The following PROSER2 variants were observed in gnomAD, a reference collection of about 807,000 sequenced individuals.
PROSER2 encodes proline and serine rich 2, also known as proline and serine-rich protein 2.
PROSER2 carries 18 observed loss-of-function variants against 14.6 expected under a neutral mutation model. That is an observed-to-expected ratio of 1.23 (90% confidence interval 0.85 to 1.83). The LOEUF (loss-of-function observed/expected upper bound fraction) is 1.83. Ranked by LOEUF, PROSER2 falls within the 40% of genes most tolerant of loss-of-function variation. PROSER2 has a pLI of 0.00. For missense variants in PROSER2, 823 were observed against 629.8 expected, an observed-to-expected ratio of 1.31 and a Z score of -3.28; for synonymous variants, 367 against 286.4, an observed-to-expected ratio of 1.28 and a Z score of -2.84.
intron 1 of PROSER2, among the ~76,000 whole-genome samples, chr10:11,824,430 A>G (rs1382860874): frequency 1.3e-5 from 2 of 152,254 alleles, no homozygotes; most frequent in Non-Finnish European, 2.9e-5. Flanking sequence ...TATTAAAAAT[A>G]CTTTTTACAT....
Position 11,859,071 on chromosome 10 carries a change from A to G in PROSER2, c.138+6856A>G, listed in dbSNP as rs902028710. 3.3e-5 allele frequency among the ~76,000 whole-genome samples: 5 copies of G among 149,850 alleles called. No individual in the cohort carries two copies. In the Admixed American group the frequency reaches 3.4e-4, roughly 10 times the overall value. ...CCTAGCCTGTTCTTTTAACATCTGA[A>G]GATGTGTATCCTTAAAGAACTGCCA... is the stretch of plus-strand genomic sequence containing the variant. On this transcript the variant is annotated intron_variant, in intron 2 of 3. Transcript: ENST00000277570.
rs182302649 is a variant in PROSER2, at chr10:11,837,847, A to G, written c.-81-14150A>G. Reference sequence around the variant, plus strand: ...GCGTTGGGTTAACCGTTCCCTGGTTAGTTTTGAGCTGAACTGTGATGCTAG... The same window carrying G: ...GCGTTGGGTTAACCGTTCCCTGGTTGGTTTTGAGCTGAACTGTGATGCTAG... On this transcript the variant is annotated intron_variant, in intron 1 of 3. Transcript: ENST00000277570. The surrounding 1 kb of genome is among the most constrained non-coding windows in gnomAD (Gnocchi z 4.6). Among the ~76,000 whole-genome samples the G allele has an allele frequency of 6.6e-6, 1 of 152,158 alleles. No individual in the cohort carries two copies. Among genetic ancestry groups the G allele is most frequent in the Admixed American group, 6.5e-5 (1 of 15,282 alleles).
chr10:11,829,826 T>G (rs1833666913), intron 1 of PROSER2, among the ~76,000 whole-genome samples: 1 of 149,578 alleles, frequency 6.7e-6, no homozygotes. Flanking sequence ...TTTTTTTTCT[T>G]TACTTCTGAT....
chr10:11,844,868 C>T (rs1018495467), intron 1 of PROSER2, among the ~76,000 whole-genome samples: 10 of 152,310 alleles, frequency 6.6e-5, no homozygotes, highest in Middle Eastern at 3.4e-3. Context: ...GTGATCCGCC[C>T]GCCTTGGCCT....
rs1833675840 is a variant in PROSER2, at chr10:11,830,460, G to T, written c.-82+6990G>T. ...GGACGCCTAGATTGATTCTGTGACG[G>T]TTACTGTGAACAGCGCCGCGGTAAA... is the stretch of plus-strand genomic sequence containing the variant. On this transcript the variant is annotated intron_variant, in intron 1 of 3. Coordinates refer to ENST00000277570, the MANE Select transcript of PROSER2 (RefSeq NM_153256.4). This position sits in a 1 kb window ranked among gnomAD's most constrained non-coding sequence, Gnocchi z 4.5. 6.6e-6 allele frequency among the ~76,000 whole-genome samples: 1 copy of T among 152,126 alleles called. No individual in the cohort carries two copies. The highest frequency in any genetic ancestry group is 2.4e-5 in the African/African-American group (1 of 41,436).
rs1330425571 is a variant in PROSER2, at chr10:11,865,448, G to A, written c.139-1083G>A. Among the ~76,000 whole-genome samples, 4 of 152,086 alleles carry A rather than the reference G, an allele frequency of 2.6e-5. No homozygotes were observed. Among genetic ancestry groups the A allele is most frequent in the African/African-American group, 9.7e-5 (4 of 41,400 alleles). On this transcript the variant is annotated intron_variant, in intron 2 of 3. Coordinates refer to ENST00000277570, the MANE Select transcript of PROSER2 (RefSeq NM_153256.4). This position sits in a 1 kb window ranked among gnomAD's most constrained non-coding sequence, Gnocchi z 4.2. ...AGTTGCTTTTCTATCCTTTGATTTT[G>A]ATAGCTGTTTCACATTAACAGTTTT...
rs766543890 is a variant in PROSER2 at position 11,869,641 on chromosome 10, G to A, written c.543G>A (p.Pro181=). The change falls in exon 4 of 4, where the codon CCG becomes CCA. Residue 181 remains proline, a synonymous_variant. Transcript: ENST00000277570. This position sits in a 1 kb window ranked among gnomAD's most constrained non-coding sequence, Gnocchi z 4.4. The part of the protein sequence containing the change: ...PRRELRAPSP[P]VEHPRLLRSV... ...GGGAGCTGCGCGCCCCCTCCCCGCC[G>A]GTGGAGCACCCCAGACTCCTGCGCT... 16 of 1,600,852 alleles carry A rather than the reference G, an allele frequency of 1.0e-5. No individual in the cohort carries two copies. In the African/African-American group the frequency reaches 1.5e-4, roughly 15 times the overall value.
At chr10:11,863,321 G>A (rs1412901270) in intron 2 of PROSER2, among the ~76,000 whole-genome samples, 1 of 152,130 alleles carries the variant, frequency 6.6e-6, no homozygotes, top group Non-Finnish European at 1.5e-5. Context: ...TCAGATCACA[G>A]TGTGGAAAGC....
intron 1 of PROSER2, among the ~76,000 whole-genome samples, chr10:11,829,862 T>A (rs1422722882): frequency 1.4e-4 from 18 of 132,448 alleles, no homozygotes; most frequent in South Asian, 7.7e-4. Flanking sequence ...TTTTTTTTTT[T>A]AGACCAAGTC....
At chr10:11,833,509 G>A (rs1000148817) in intron 1 of PROSER2, among the ~76,000 whole-genome samples, 3 of 151,920 alleles carry the variant, frequency 2.0e-5, no homozygotes, top group African/African-American at 7.3e-5. Context: ...TGGCCAACGT[G>A]GTGAAACCCC....
rs1360708489 is a variant in PROSER2, at chr10:11,871,067, T to A, written c.*661T>A. ...TTTGAGAAAGCAAGTCTCATCAGACTCTGAGGTCTGGGACGTGTGCGTGAG... is the reference window on the plus strand; with the variant it reads ...TTTGAGAAAGCAAGTCTCATCAGACACTGAGGTCTGGGACGTGTGCGTGAG... On this transcript the variant is annotated 3_prime_UTR_variant, in exon 4 of 4. Transcript: ENST00000277570. The A allele has an allele frequency of 6.6e-6, 1 of 152,226 alleles. No homozygotes were observed. Among genetic ancestry groups the A allele is most frequent in the East Asian group, 1.9e-4 (1 of 5,200 alleles). 9.4% of individuals were successfully genotyped at this position (152,226 alleles called of 1,614,324 possible).
rs906159102 is a variant in PROSER2, at chr10:11,830,533, G to A, written c.-82+7063G>A. Among the ~76,000 whole-genome samples the A allele has an allele frequency of 6.6e-6, 1 of 152,178 alleles. No homozygotes were observed. The highest frequency in any genetic ancestry group is 1.5e-5 in the Non-Finnish European group (1 of 68,046). On this transcript the variant is annotated intron_variant, in intron 1 of 3. Coordinates refer to ENST00000277570, the MANE Select transcript of PROSER2 (RefSeq NM_153256.4). This position sits in a 1 kb window ranked among gnomAD's most constrained non-coding sequence, Gnocchi z 4.5. ...GATGTAATGATTTCTCTCCCTGTAG[G>A]TAGATAACCAGTAGTGAGATTGCTG...
Position 11,871,789 on chromosome 10 carries a change from C to G in PROSER2, c.*1383C>G, listed in dbSNP as rs942689515. The G allele has an allele frequency of 6.6e-6, 1 of 152,236 alleles. No individual in the cohort carries two copies. Among genetic ancestry groups the G allele is most frequent in the African/African-American group, 2.4e-5 (1 of 41,460 alleles). The allele number at this position is 152,236 out of a possible 1,614,324, so 9.4% of individuals were successfully genotyped here. On this transcript the variant is annotated 3_prime_UTR_variant, in exon 4 of 4. Transcript: ENST00000277570. ...GCCAGCGCCGTAACAGAGCCTGTTT[C>G]TTTCCCGTTGAGTATTACTTAAATT...
At position 11,869,165 on chromosome 10, in the gene PROSER2, TG is replaced by T. The variant is rs1227068272; in HGVS notation, c.392-324del. On this transcript the variant is annotated intron_variant, in intron 3 of 3. Coordinates refer to ENST00000277570, the MANE Select transcript of PROSER2 (RefSeq NM_153256.4). This position sits in a 1 kb window ranked among gnomAD's most constrained non-coding sequence, Gnocchi z 4.4. ...ATTTCCCCTTTGTAAACTCCCCTGATGAGTTGGTCACTACTTGCGTCCTGTC... is the reference window on the plus strand; with the variant it reads ...ATTTCCCCTTTGTAAACTCCCCTGATAGTTGGTCACTACTTGCGTCCTGTC... 6.6e-6 allele frequency among the ~76,000 whole-genome samples: 1 copy of T among 152,202 alleles called. No individual in the cohort carries two copies. The highest frequency in any genetic ancestry group is 1.5e-5 in the Non-Finnish European group (1 of 68,018).
intron 2 of PROSER2, among the ~76,000 whole-genome samples, chr10:11,861,471 C>T (rs578227882): frequency 2.0e-5 from 3 of 152,102 alleles, no homozygotes; most frequent in Non-Finnish European, 2.9e-5. Context: ...TTAGCAGGTG[C>T]GTGTGTGTGG....
At chr10:11,851,134 T>A (rs1232517841) in intron 1 of PROSER2, 1 of 152,314 alleles carries the variant, frequency 6.6e-6, no homozygotes, top group African/African-American at 2.4e-5. Context: ...GAGGACTGCT[T>A]GAGCCCATGA....
chr10:11,826,248 C>G (rs967990277), intron 1 of PROSER2, among the ~76,000 whole-genome samples: 1 of 152,190 alleles, frequency 6.6e-6, no homozygotes, highest in Non-Finnish European at 1.5e-5. Context: ...ATTGTGTGGA[C>G]AGATCGCATT....
chr10:11,828,757 A>C (rs974983848), intron 1 of PROSER2, among the ~76,000 whole-genome samples: 1 of 152,148 alleles, frequency 6.6e-6, no homozygotes, highest in Non-Finnish European at 1.5e-5. Flanking sequence ...GTTGTAGTGA[A>C]GATTTGAGTT....
Position 11,871,550 on chromosome 10 carries a change from C to G in PROSER2, c.*1144C>G, listed in dbSNP as rs1834489345. The G allele has an allele frequency of 6.6e-6, 1 of 152,236 alleles. No individual in the cohort carries two copies. The highest frequency in any genetic ancestry group is 1.5e-5 in the Non-Finnish European group (1 of 68,048). The allele number at this position is 152,236 out of a possible 1,614,324, so 9.4% of individuals were successfully genotyped here. Reference sequence around the variant, plus strand: ...AGATTCTTAAAGATCCACCGACTGTCATGTTCCACAAGCAAGATCTCAGGG... The same window carrying G: ...AGATTCTTAAAGATCCACCGACTGTGATGTTCCACAAGCAAGATCTCAGGG... On this transcript the variant is annotated 3_prime_UTR_variant, in exon 4 of 4. Coordinates refer to ENST00000277570, the MANE Select transcript of PROSER2 (RefSeq NM_153256.4).
Sources: allele counts gnomAD v4.1 joint callset (sites outside exome capture counted in the v4.1 genomes callset), GRCh38; gene constraint gnomAD v4.1.1; non-coding constraint Gnocchi (gnomAD v3.1); transcripts MANE v1.5; gene names NCBI Gene and HGNC (gene_info 2026-07-23, HGNC 2026-07-21).